Variants in CSMD1 observed in about 807,000 individuals in gnomAD.
CSMD1 encodes the protein CUB and sushi domain-containing protein 1.
In CSMD1, 213 loss-of-function variants were observed where a neutral mutation model predicts 417.5. That is an observed-to-expected ratio of 0.51 (90% CI 0.46 to 0.57). CSMD1 has a LOEUF of 0.57. Ranked by LOEUF, CSMD1 falls within the 20% of genes least tolerant of loss-of-function variation. The pLI is 0.00. For synonymous variants in CSMD1, 2,862 were observed against 1,736.8 expected (o/e 1.65, Z -16.11); for missense variants, 6,923 against 4,529.7 (o/e 1.53, Z -15.17).
At chr8:4,282,753 T>C (rs1252208908) in intron 3 of CSMD1, among the ~76,000 whole-genome samples, 2 of 152,316 alleles carry the variant, frequency 1.3e-5, no homozygotes, top group African/African-American at 4.8e-5. Flanking sequence ...ATAGTATGTT[T>C]AAATGGTAGT....
chr8:4,607,998 G>A (rs570290226), intron 2 of CSMD1, among the ~76,000 whole-genome samples: 1 of 152,234 alleles, frequency 6.6e-6, no homozygotes, highest in South Asian at 2.1e-4. Flanking sequence ...AGTGGTCAGA[G>A]AAGGCATCAG....
chr8:3,113,045 G>C (rs1430367776), intron 42 of CSMD1: 1 of 152,240 alleles, frequency 6.6e-6, no homozygotes, highest in African/African-American at 2.4e-5. Context: ...GAGCTCCGCA[G>C]AGACGGGGGC....
chr8:3,853,174 G>C (rs1804031735), intron 5 of CSMD1, among the ~76,000 whole-genome samples: 1 of 152,136 alleles, frequency 6.6e-6, no homozygotes, highest in South Asian at 2.1e-4. Flanking sequence ...ACTCCTCTGA[G>C]ATGCTGCTTC....
intron 3 of CSMD1, among the ~76,000 whole-genome samples, chr8:4,136,531 C>T (rs900987470): frequency 9.9e-5 from 15 of 152,200 alleles, no homozygotes; most frequent in Non-Finnish European, 1.5e-4. Flanking sequence ...ACATGCTCTT[C>T]AATGACTCTC....
Position 3,881,547 on chromosome 8 carries a change from T to C in CSMD1, c.818+116356A>G, listed in dbSNP as rs563766485. Reference sequence around the variant, plus strand: ...AGCTACTCAGGAGGCTGAGGTTGCATTGAGCCAAGATGGAGCCATTGCAGT... The same window carrying C: ...AGCTACTCAGGAGGCTGAGGTTGCACTGAGCCAAGATGGAGCCATTGCAGT... On this transcript the variant is annotated intron_variant, in intron 5 of 69. Coordinates refer to ENST00000635120, the MANE Select transcript of CSMD1 (RefSeq NM_033225.6). Among the ~76,000 whole-genome samples, 321 of 148,596 alleles carry C rather than the reference T, an allele frequency of 2.2e-3. 1 individual carries two copies. Among genetic ancestry groups the C allele is most frequent in the African/African-American group, 7.4e-3 (300 of 40,594 alleles).
chr8:3,018,375 G>T, intron 52 of CSMD1, 102 bp downstream of exon 52: 1 of 1,056,200 alleles, frequency 9.5e-7, no homozygotes, highest in Non-Finnish European at 1.4e-6. Flanking sequence ...CCCCAGGTAG[G>T]ATTTAAGGCA....
At chr8:4,200,283 T>G (rs1039155278) in intron 3 of CSMD1, among the ~76,000 whole-genome samples, 1 of 152,214 alleles carries the variant, frequency 6.6e-6, no homozygotes, top group Non-Finnish European at 1.5e-5. Context: ...TTTCAGAGGA[T>G]AATTTTTTTG....
intron 16 of CSMD1, among the ~76,000 whole-genome samples, chr8:3,398,506 A>T (rs1307334860): frequency 1.3e-5 from 2 of 152,218 alleles, no homozygotes; most frequent in African/African-American, 4.8e-5. Context: ...TGTTGATGTT[A>T]GCATTGATCA....
At chr8:4,545,470 A>G (rs907791872) in intron 2 of CSMD1, among the ~76,000 whole-genome samples, 1 of 152,174 alleles carries the variant, frequency 6.6e-6, no homozygotes, top group Non-Finnish European at 1.5e-5. Context: ...TCGTTTACCT[A>G]CTTTTCAATA....
At chr8:3,134,297 G>T (rs940756713) in intron 41 of CSMD1, among the ~76,000 whole-genome samples, 1 of 152,246 alleles carries the variant, frequency 6.6e-6, no homozygotes, top group African/African-American at 2.4e-5. Context: ...ATGTTAGGCA[G>T]TTCCTGAACC....
At chr8:4,657,503 C>A (rs964197835) in intron 1 of CSMD1, among the ~76,000 whole-genome samples, 16 of 151,970 alleles carry the variant, frequency 1.1e-4, no homozygotes, top group Non-Finnish European at 2.9e-5. Context: ...GTTAAAGGGA[C>A]AAAGGCTTCA....
chr8:3,342,035 A>T (rs1199775888), intron 23 of CSMD1, among the ~76,000 whole-genome samples: 1 of 152,228 alleles, frequency 6.6e-6, no homozygotes, highest in Non-Finnish European at 1.5e-5. Flanking sequence ...TAAAAATTTT[A>T]TAATTATAGG....
chr8:4,450,772 C>G (rs151106120), intron 2 of CSMD1, among the ~76,000 whole-genome samples: 154 of 152,218 alleles, frequency 1.0e-3, no homozygotes, highest in African/African-American at 3.3e-3. Context: ...AAATTGAAAG[C>G]AAGTATTGTA....
At chr8:4,860,241 T>C (rs1359760269) in intron 1 of CSMD1, among the ~76,000 whole-genome samples, 1 of 110,354 alleles carries the variant, frequency 9.1e-6, no homozygotes, top group East Asian at 3.2e-4. Flanking sequence ...AAGGGGAATA[T>C]CACACTCAGG....
intron 25 of CSMD1, 24 bp downstream of exon 25, chr8:3,307,671 C>G (rs763575551): frequency 1.9e-6 from 3 of 1,609,488 alleles, no homozygotes; most frequent in Admixed American, 1.7e-5. Flanking sequence ...TCTCAAATCA[C>G]TGAAACCAAA....
At chr8:3,685,886 T>C (rs1020071435) in intron 7 of CSMD1, among the ~76,000 whole-genome samples, 1 of 152,184 alleles carries the variant, frequency 6.6e-6, no homozygotes, top group African/African-American at 2.4e-5. Context: ...CATCAAACAT[T>C]TATTGTTCGT....
intron 1 of CSMD1, among the ~76,000 whole-genome samples, chr8:4,662,550 G>A (rs962266462): frequency 6.6e-6 from 1 of 152,162 alleles, no homozygotes; most frequent in South Asian, 2.1e-4. Context: ...TCGTCTCCCT[G>A]GAGAATGCTA....
intron 5 of CSMD1, among the ~76,000 whole-genome samples, chr8:3,982,091 G>C (rs1458612142): frequency 6.6e-6 from 1 of 151,514 alleles, no homozygotes; most frequent in African/African-American, 2.4e-5. Context: ...CTGGGAGGTG[G>C]AGGTTGCAGT....
At chr8:3,112,888 A>G (rs1480825663) in intron 42 of CSMD1, 1 of 152,226 alleles carries the variant, frequency 6.6e-6, no homozygotes, top group Admixed American at 6.5e-5. Flanking sequence ...CCAGAGATAG[A>G]AAAAAAGAGG....
Sources: gnomAD v4.1 joint callset for allele counts (sites outside exome capture counted in the v4.1 genomes callset) on GRCh38, gnomAD v4.1.1 for gene constraint, MANE v1.5 for transcripts, NCBI Gene and HGNC (gene_info 2026-07-23, HGNC 2026-07-21) for gene names.